PLA1A: variants seen among roughly 807,000 people sequenced by gnomAD.
PLA1A encodes the protein phospholipase A1 member A.
A neutral mutation model predicts 49.4 loss-of-function variants in PLA1A; 47 were observed. The ratio of observed to expected loss-of-function variants is 0.95; its 90% confidence interval spans 0.75 to 1.21. The LOEUF (loss-of-function observed/expected upper bound fraction) is 1.21, where lower values mean the gene tolerates loss of function less well. Among genes scored for constraint, PLA1A ranks in the 50% most tolerant of loss-of-function variants. The pLI is 0.00. For missense variants in PLA1A, 561 were observed against 563.9 expected (o/e 0.99, Z 0.05); for synonymous variants, 224 against 207.9 (o/e 1.08, Z -0.67).
At chr3:119,623,984 C>T (rs112108583) in intron 8 of PLA1A, among the ~76,000 whole-genome samples, 1,710 of 152,234 alleles carry the variant, frequency 0.011, 27 homozygotes, top group African/African-American at 0.038. Flanking sequence ...CTTGGCCTCC[C>T]AAAGTGCTGC....
At chr3:119,611,970 G>T (rs946638532) in intron 4 of PLA1A, among the ~76,000 whole-genome samples, 1 of 152,136 alleles carries the variant, frequency 6.6e-6, no homozygotes, top group Non-Finnish European at 1.5e-5. Context: ...ATAAACTTTA[G>T]ACAGTTTTGT....
intron 8 of PLA1A, 110 bp from the exon 9 acceptor site, chr3:119,625,014 G>A: frequency 1.5e-6 from 1 of 669,692 alleles, no homozygotes; most frequent in East Asian, 2.6e-5. Context: ...TGGGCACACA[G>A]CCACTAAGAG....
intron 9 of PLA1A, among the ~76,000 whole-genome samples, chr3:119,626,472 G>C (rs575625225): frequency 6.6e-6 from 1 of 152,338 alleles, no homozygotes; most frequent in East Asian, 1.9e-4. Context: ...GGCTTAGAGA[G>C]AATGTGACAC....
chr3:119,607,771 G>A (rs958128730), intron 2 of PLA1A, among the ~76,000 whole-genome samples: 2 of 152,106 alleles, frequency 1.3e-5, no homozygotes, highest in African/African-American at 4.8e-5. Context: ...TTCCAAGGCT[G>A]AGTGTGTACC....
At chr3:119,618,217 C>G (rs777611964) in intron 7 of PLA1A, 31 bp downstream of exon 7, 1 of 1,572,732 alleles carries the variant, frequency 6.4e-7, no homozygotes, top group East Asian at 2.3e-5. Flanking sequence ...CTTCCTTTGA[C>G]AATGTGGGGA....
chr3:119,629,440 C>G lies in PLA1A; in HGVS notation c.1343C>G (p.Ser448Cys). 2 of 1,609,374 alleles carry G rather than the reference C, an allele frequency of 1.2e-6. No individual in the cohort carries two copies. The highest frequency in any genetic ancestry group is 1.7e-6 in the Non-Finnish European group (2 of 1,176,052). ...PVNLQASVTV[S>C]CDLKIACV ...AACTTACAAGCAAGTGTGACTGTTTCCTGTGACCTGAAGATAGCCTGTGTG... is the reference window on the plus strand; with the variant it reads ...AACTTACAAGCAAGTGTGACTGTTTGCTGTGACCTGAAGATAGCCTGTGTG... Residue 448 changes from serine (S) to cysteine (C), a missense_variant, in exon 11 of 11, where the codon TCC becomes TGC. Physicochemically the swap from Ser to Cys is moderately radical, Grantham distance 112. Transcript: ENST00000273371.
rs201769464 is a variant in PLA1A at position 119,613,099 on chromosome 3, C to T, written c.645C>T (p.Ala215=). The T allele has an allele frequency of 3.7e-6, 6 of 1,607,276 alleles. No homozygotes were observed. Among genetic ancestry groups the T allele is most frequent in the South Asian group, 1.1e-5 (1 of 89,542 alleles). Residue 215 remains alanine (A), a synonymous_variant, in exon 5 of 11, where the codon GCC becomes GCT. Transcript: ENST00000273371. ...CTGGAGATGCCCTCTTCGTGGAAGC[C>T]ATCCACACAGACACCGACAGTGAGC... ...LDAGDALFVE[A]IHTDTDNLGI... is the part of the protein sequence containing the mutation.
chr3:119,618,454 C>G (rs2082883556), intron 7 of PLA1A, among the ~76,000 whole-genome samples: 1 of 152,200 alleles, frequency 6.6e-6, no homozygotes, highest in Non-Finnish European at 1.5e-5. Context: ...ACTCTCAGAC[C>G]AGATGCTGCC....
chr3:119,625,073 C>A, intron 8 of PLA1A, 51 bp from the exon 9 acceptor site: 1 of 1,166,460 alleles, frequency 8.6e-7, no homozygotes, highest in South Asian at 1.2e-5. Context: ...GGTTTTTGCC[C>A]ATTGCACCTT....
At chr3:119,602,268 G>T (rs764703294) in intron 1 of PLA1A, among the ~76,000 whole-genome samples, 1 of 152,114 alleles carries the variant, frequency 6.6e-6, no homozygotes, top group Non-Finnish European at 1.5e-5. Flanking sequence ...AAACTCTCAG[G>T]CCTCTTAGAC....
At chr3:119,621,206 G>T (rs2082924740) in intron 8 of PLA1A, among the ~76,000 whole-genome samples, 1 of 152,202 alleles carries the variant, frequency 6.6e-6, no homozygotes, top group Non-Finnish European at 1.5e-5. Flanking sequence ...AAAGTGTGGG[G>T]AATGCCTGGA....
chr3:119,628,074 A>G (rs1363124226), intron 9 of PLA1A, among the ~76,000 whole-genome samples: 1 of 152,244 alleles, frequency 6.6e-6, no homozygotes, highest in African/African-American at 2.4e-5. Flanking sequence ...GAGTCTCCTC[A>G]GCTGAAGTCA....
In PLA1A at chr3:119,618,934, A is replaced by G. The variant is rs111663786; in HGVS notation, c.923-629A>G. The stretch of plus-strand genomic sequence containing the variant: ...AAATAGTAAAGTAGGGTAGCTTCCA[A>G]TGATAGAACCAGTCATCATTATTTC... On this transcript the variant is annotated intron_variant, in intron 7 of 10. Transcript: ENST00000273371. 2.6e-3 allele frequency among the ~76,000 whole-genome samples: 400 copies of G among 152,288 alleles called. 1 individual carries two copies. Among genetic ancestry groups the G allele is most frequent in the African/African-American group, 9.2e-3 (381 of 41,542 alleles).
intron 5 of PLA1A, among the ~76,000 whole-genome samples, chr3:119,613,429 G>A (rs1456784781): frequency 6.6e-6 from 1 of 152,246 alleles, no homozygotes; most frequent in Non-Finnish European, 1.5e-5. Context: ...GCAGTACTGG[G>A]TAGGGCATTG....
At chr3:119,620,737 C>T (rs1330104371) in intron 8 of PLA1A, among the ~76,000 whole-genome samples, 1 of 152,196 alleles carries the variant, frequency 6.6e-6, no homozygotes, top group East Asian at 1.9e-4. Context: ...TTTGTATCTT[C>T]ATGCCAGAGA....
intron 5 of PLA1A, among the ~76,000 whole-genome samples, chr3:119,614,811 C>A (rs944600933): frequency 2.0e-5 from 3 of 151,640 alleles, no homozygotes; most frequent in African/African-American, 7.3e-5. Context: ...GAGAATATGG[C>A]AGCAATCAAC....
intron 9 of PLA1A, among the ~76,000 whole-genome samples, chr3:119,628,223 C>T (rs531484704): frequency 6.6e-6 from 1 of 152,360 alleles, no homozygotes; most frequent in African/African-American, 2.4e-5. Flanking sequence ...GAAGACAAAC[C>T]TGGGTTCCAC....
intron 2 of PLA1A, 120 bp from the exon 3 acceptor site, chr3:119,608,650 C>T (rs1042108142): frequency 1.5e-5 from 12 of 791,380 alleles, no homozygotes; most frequent in African/African-American, 3.5e-5. Context: ...ATAAACTCCT[C>T]ATATGAGCCC....
intron 5 of PLA1A, among the ~76,000 whole-genome samples, 183 bp from the exon 6 acceptor site, chr3:119,615,829 A>G (rs1483466669): frequency 1.4e-5 from 2 of 144,316 alleles, no homozygotes; most frequent in African/African-American, 5.8e-5. Context: ...CCTCAGAAAA[A>G]AAAAAGAAAA....
Sources: allele counts gnomAD v4.1 joint callset (sites outside exome capture counted in the v4.1 genomes callset), GRCh38; gene constraint gnomAD v4.1.1; transcripts MANE v1.5; gene names NCBI Gene and HGNC (gene_info 2026-07-23, HGNC 2026-07-21).